The following SNAP91 variants were observed in gnomAD, a reference collection of about 807,000 sequenced individuals.
SNAP91 encodes the protein clathrin coat assembly protein AP180.
SNAP91 carries 27 observed loss-of-function variants against 100.3 expected under a neutral mutation model. The ratio of observed to expected loss-of-function variants is 0.27; its 90% CI spans 0.20 to 0.37. The LOEUF is 0.37. Ranked by LOEUF, SNAP91 falls within the 10% of genes least tolerant of loss-of-function variation. The pLI is 1.00. For missense variants in SNAP91, 986 were observed against 1,123.7 expected (o/e 0.88, Z 1.75); for synonymous variants, 404 against 398.6 (o/e 1.01, Z -0.16).
In SNAP91 at chr6:83,624,133, T is replaced by A. The variant is rs990487798; in HGVS notation, c.766-791A>T. Among the ~76,000 whole-genome samples the A allele has an allele frequency of 5.9e-5, 9 of 152,046 alleles. 1 individual carries two copies. The highest frequency in any genetic ancestry group is 1.3e-4 in the Non-Finnish European group (9 of 67,978). Reference sequence around the variant, plus strand: ...TAGAAGTGGAATTACCAGATAAAAGTATATGCATATTGTTAATTTTGTTAG... The same window carrying A: ...TAGAAGTGGAATTACCAGATAAAAGAATATGCATATTGTTAATTTTGTTAG... On this transcript the variant is annotated intron_variant, in intron 8 of 29. Transcript: ENST00000369694.
intron 8 of SNAP91, among the ~76,000 whole-genome samples, chr6:83,639,573 A>G (rs2097592311): frequency 6.6e-6 from 1 of 152,154 alleles, no homozygotes. Context: ...CTCTTTCTTA[A>G]TGGCCTCAGG....
intron 16 of SNAP91, among the ~76,000 whole-genome samples, chr6:83,600,151 T>A (rs1437319866): frequency 6.6e-6 from 1 of 152,200 alleles, no homozygotes; most frequent in African/African-American, 2.4e-5. Flanking sequence ...AGGTTTCTCC[T>A]GTTCCATAGG....
At chr6:83,597,930 C>A (rs1461044900) in intron 16 of SNAP91, among the ~76,000 whole-genome samples, 2 of 152,084 alleles carry the variant, frequency 1.3e-5, no homozygotes, top group African/African-American at 4.8e-5. Flanking sequence ...CAACATGTAC[C>A]CAATGTGATC....
At chr6:83,667,690 G>A (rs2098711662) in intron 2 of SNAP91, among the ~76,000 whole-genome samples, 1 of 151,942 alleles carries the variant, frequency 6.6e-6, no homozygotes, top group South Asian at 2.1e-4. Context: ...ACAACGTGCA[G>A]GTTTGTTACA....
chr6:83,640,271 A>G (rs992781945), intron 8 of SNAP91, among the ~76,000 whole-genome samples: 1 of 152,162 alleles, frequency 6.6e-6, no homozygotes, highest in Non-Finnish European at 1.5e-5. Context: ...ATGCTTGTTT[A>G]TGCAGTATAT....
intron 2 of SNAP91, among the ~76,000 whole-genome samples, chr6:83,669,912 G>A (rs1050921324): frequency 6.6e-6 from 1 of 151,842 alleles, no homozygotes; most frequent in Non-Finnish European, 1.5e-5. Context: ...ACAATTAAGG[G>A]TGATTCCAGT....
intron 22 of SNAP91, 129 bp downstream of exon 22, chr6:83,591,082 C>G (rs2093682162): frequency 1.6e-6 from 1 of 630,242 alleles, no homozygotes; most frequent in African/African-American, 1.8e-5. Context: ...TACTTGTCCC[C>G]TCCCTCAATT....
At chr6:83,654,949 A>G (rs1477880520) in intron 7 of SNAP91, among the ~76,000 whole-genome samples, 1 of 152,200 alleles carries the variant, frequency 6.6e-6, no homozygotes, top group African/African-American at 2.4e-5. Flanking sequence ...TCTGTCATCT[A>G]GCAGAGATGC....
chr6:83,607,329 T>TGTGTG (rs148264353), intron 13 of SNAP91, among the ~76,000 whole-genome samples: 2 of 144,792 alleles, frequency 1.4e-5, no homozygotes, highest in East Asian at 2.0e-4. Context: ...CCAAGTTGGG[T>TGTGTG]TGTGTGTGTG....
rs192386300 is a variant in SNAP91, at chr6:83,657,708, C to T, written c.547-843G>A. ...ACTACCAAAATACAAAAAGGCTGAACAATATGAGTTAATAATGTCTCTACA... is the reference window on the plus strand; with the variant it reads ...ACTACCAAAATACAAAAAGGCTGAATAATATGAGTTAATAATGTCTCTACA... On this transcript the variant is annotated intron_variant, in intron 6 of 29. Transcript: ENST00000369694. Among the ~76,000 whole-genome samples the T allele has an allele frequency of 2.6e-5, 4 of 151,786 alleles. No individual in the cohort carries two copies. The East Asian group carries it at 7.7e-4, about 29-fold the overall frequency.
intron 11 of SNAP91, among the ~76,000 whole-genome samples, chr6:83,614,395 T>G (rs993045666): frequency 6.6e-6 from 1 of 152,180 alleles, no homozygotes; most frequent in Admixed American, 6.5e-5. Context: ...ATATTCTTCA[T>G]AGCAGACATT....
At chr6:83,570,548 C>CGGGCG (rs1805066189) in intron 26 of SNAP91, among the ~76,000 whole-genome samples, 2 of 74,638 alleles carry the variant, frequency 2.7e-5, no homozygotes, top group African/African-American at 1.6e-4. Flanking sequence ...TGGAGGTTTA[C>CGGGCG]GGGGTGGCGG....
intron 7 of SNAP91, among the ~76,000 whole-genome samples, chr6:83,655,989 CAAAG>C (rs1315743253): frequency 6.6e-6 from 1 of 152,124 alleles, no homozygotes; most frequent in East Asian, 1.9e-4. Flanking sequence ...ATGGCCTTGA[CAAAG>C]AAAGAAATCT....
At chr6:83,576,253 C>T (rs955735096) in intron 24 of SNAP91, among the ~76,000 whole-genome samples, 200 bp from the exon 25 acceptor site, 5 of 152,110 alleles carry the variant, frequency 3.3e-5, no homozygotes, top group African/African-American at 4.8e-5. Context: ...TCATGTTAGA[C>T]TTAAGGATCC....
At chr6:83,689,725 T>C (rs2099107136) in intron 2 of SNAP91, 1 of 152,118 alleles carries the variant, frequency 6.6e-6, no homozygotes, top group South Asian at 2.1e-4. Flanking sequence ...TTAAATAATT[T>C]TTGACATCAC....
intron 2 of SNAP91, among the ~76,000 whole-genome samples, chr6:83,679,980 T>C (rs2098964644): frequency 6.6e-6 from 1 of 152,128 alleles, no homozygotes; most frequent in South Asian, 2.1e-4. Context: ...ATAGCACAGA[T>C]AATGCTTCAT....
chr6:83,555,507 G>A (rs1776546674), intron 29 of SNAP91, among the ~76,000 whole-genome samples: 1 of 152,202 alleles, frequency 6.6e-6, no homozygotes, highest in Admixed American at 6.5e-5. Context: ...TGTAAATTAT[G>A]TTCATCCATT....
Position 83,641,191 on chromosome 6 carries a change from C to CA in SNAP91, c.669dup (p.Glu224Ter). 1 of 1,450,992 alleles carries CA rather than the reference C, an allele frequency of 6.9e-7. No individual in the cohort carries two copies. Among genetic ancestry groups the CA allele is most frequent in the Non-Finnish European group, 9.2e-7 (1 of 1,090,914 alleles). 89.9% of individuals were successfully genotyped at this position (1,450,992 alleles called of 1,614,324 possible). On this transcript the variant is annotated frameshift_variant, in exon 8 of 30. Coordinates refer to ENST00000369694, the MANE Select transcript of SNAP91 (RefSeq NM_001242792.2). LOFTEE classifies it high-confidence loss of function. Reference sequence around the variant, plus strand: ...TCTTTACATTGTCCTTTCTTCATTTCAAAAAACTTTTCTAGAGAAGATAAA... The same window carrying CA: ...TCTTTACATTGTCCTTTCTTCATTTCAAAAAAACTTTTCTAGAGAAGATAAA...
intron 29 of SNAP91, among the ~76,000 whole-genome samples, chr6:83,554,951 T>C (rs1775607766): frequency 1.3e-5 from 2 of 152,312 alleles, no homozygotes; most frequent in South Asian, 2.1e-4. Context: ...TCTGTCTCTG[T>C]CTCTCTCAGG....
Sources: gnomAD v4.1 joint callset for allele counts (sites outside exome capture counted in the v4.1 genomes callset) on GRCh38, gnomAD v4.1.1 for gene constraint, MANE v1.5 for transcripts, NCBI Gene and HGNC (gene_info 2026-07-23, HGNC 2026-07-21) for gene names.